The following HMCN1 variants were observed in gnomAD, a reference collection of about 807,000 sequenced individuals.
The protein encoded by HMCN1 is hemicentin-1.
Under a neutral mutation model 625.9 loss-of-function variants are expected in HMCN1, and 321 were observed. That is an observed-to-expected ratio of 0.51 (90% CI 0.47 to 0.56). The LOEUF is 0.56. Among genes scored for constraint, HMCN1 ranks in the 20% least tolerant of loss-of-function variants. HMCN1 has a pLI of 0.00. For synonymous variants in HMCN1, 2,425 were observed against 2,417.6 expected, an observed-to-expected ratio of 1.00 and a Z score of -0.09; for missense variants, 6,588 against 6,887.3, an observed-to-expected ratio of 0.96 and a Z score of 1.54.
At chr1:185,938,497 T>C (rs1183333592) in intron 11 of HMCN1, among the ~76,000 whole-genome samples, 1 of 152,204 alleles carries the variant, frequency 6.6e-6, no homozygotes, top group Admixed American at 6.5e-5. Context: ...GGAGGAATTA[T>C]TTATTATCTT....
At chr1:185,887,910 T>C (rs1383306912) in intron 4 of HMCN1, among the ~76,000 whole-genome samples, 1 of 143,622 alleles carries the variant, frequency 7.0e-6, no homozygotes, top group African/African-American at 2.6e-5. Flanking sequence ...TTGAACTAGT[T>C]TACAGTCCCA....
chr1:186,122,652 T>C (rs976870746), intron 80 of HMCN1, among the ~76,000 whole-genome samples: 5 of 152,214 alleles, frequency 3.3e-5, no homozygotes, highest in African/African-American at 9.6e-5. Context: ...AAAGAAAATA[T>C]TTTTGTTGAT....
chr1:185,931,882 A>G (rs545685087), intron 10 of HMCN1, among the ~76,000 whole-genome samples: 1 of 152,340 alleles, frequency 6.6e-6, no homozygotes, highest in African/African-American at 2.4e-5. Context: ...AAACTGAACT[A>G]TTAATTTCAC....
intron 1 of HMCN1, among the ~76,000 whole-genome samples, chr1:185,765,050 G>C (rs983433285): frequency 6.6e-6 from 1 of 152,144 alleles, no homozygotes; most frequent in African/African-American, 2.4e-5. Flanking sequence ...TGTAAGGACA[G>C]TGAATTAATG....
intron 69 of HMCN1, among the ~76,000 whole-genome samples, chr1:186,104,989 T>C (rs1353252549): frequency 2.0e-5 from 3 of 152,034 alleles, no homozygotes; most frequent in Non-Finnish European, 4.4e-5. Flanking sequence ...CAAATAAAGC[T>C]TGAAAGGGAA....
chr1:185,766,758 C>A (rs1327707691), intron 1 of HMCN1, among the ~76,000 whole-genome samples: 1 of 151,762 alleles, frequency 6.6e-6, no homozygotes, highest in Non-Finnish European at 1.5e-5. Flanking sequence ...CAAATAGTTC[C>A]ATGAATAACT....
chr1:185,895,805 G>C (rs1297442101), intron 4 of HMCN1, among the ~76,000 whole-genome samples: 1 of 152,110 alleles, frequency 6.6e-6, no homozygotes, highest in East Asian at 1.9e-4. Flanking sequence ...ATTGTCATTG[G>C]GTAAAGAATA....
chr1:186,110,977 C>CTTTTGTTTTTTTTTTTTTTTTT (rs1660848038), intron 71 of HMCN1, among the ~76,000 whole-genome samples: 1 of 61,648 alleles, frequency 1.6e-5, no homozygotes, highest in Non-Finnish European at 2.7e-5. Flanking sequence ...AGAGAAAATT[C>CTTTTGTTTTTTTTTTTTTTTTT]TTTTTTTTTT....
At chr1:185,892,967 C>T (rs1042927826) in intron 4 of HMCN1, among the ~76,000 whole-genome samples, 8 of 152,134 alleles carry the variant, frequency 5.3e-5, no homozygotes, top group Non-Finnish European at 7.3e-5. Flanking sequence ...AGCGAGACTC[C>T]GTGGGGTAGG....
At chr1:186,096,604 A>G (rs1046931327) in intron 68 of HMCN1, among the ~76,000 whole-genome samples, 1 of 152,132 alleles carries the variant, frequency 6.6e-6, no homozygotes, top group South Asian at 2.1e-4. Flanking sequence ...AAAGAAAACT[A>G]CAACCCAATA....
Position 186,144,255 on chromosome 1 carries a change from T to A in HMCN1, c.14007T>A (p.Leu4669=), listed in dbSNP as rs1650143480. Residue 4669 remains leucine (L), a synonymous_variant, in exon 90 of 107, where the codon CTT becomes CTA. Transcript: ENST00000271588. ...AAGGTACTCAGACAAGAGCAAGACT[T>A]TGTAATAACCCACCACCAGCGTTTG... is the stretch of plus-strand genomic sequence containing the variant. ...CGKGTQTRAR[L]CNNPPPAFGG... 1 of 1,613,926 alleles carries A rather than the reference T, an allele frequency of 6.2e-7. No homozygotes were observed. The highest frequency in any genetic ancestry group is 1.1e-5 in the South Asian group (1 of 91,056).
chr1:186,133,242 C>T (rs977075298), intron 86 of HMCN1, among the ~76,000 whole-genome samples: 1 of 152,136 alleles, frequency 6.6e-6, no homozygotes, highest in South Asian at 2.1e-4. Flanking sequence ...CAATGGAGTG[C>T]CCCTTCTTAC....
At chr1:186,017,932 ACTT>A (rs1444703808) in intron 33 of HMCN1, among the ~76,000 whole-genome samples, 2 of 152,142 alleles carry the variant, frequency 1.3e-5, no homozygotes, top group South Asian at 2.1e-4. Context: ...ACAATCCAAT[ACTT>A]CTCCCTTTTT....
rs1172375813 is a variant in HMCN1 at position 186,104,734 on chromosome 1, CA to C, written c.10770+1067del. On this transcript the variant is annotated intron_variant, in intron 69 of 106. Transcript: ENST00000271588. ...CCTTAGTCTGATTCAGAAGCCTAGCCAGTGCATCTCAGCACAGTGCATTTCT... is the reference window on the plus strand; with the variant it reads ...CCTTAGTCTGATTCAGAAGCCTAGCCGTGCATCTCAGCACAGTGCATTTCT... Among the ~76,000 whole-genome samples, 4 of 152,144 alleles carry C rather than the reference CA, an allele frequency of 2.6e-5. No individual in the cohort carries two copies. In the East Asian group the frequency reaches 7.7e-4, roughly 29 times the overall value.
At chr1:185,865,661 A>G (rs1663139718) in intron 3 of HMCN1, 80 bp from the exon 4 acceptor site, 14 of 1,232,624 alleles carry the variant, frequency 1.1e-5, no homozygotes, top group Non-Finnish European at 1.6e-5. Flanking sequence ...CAGTAATGTA[A>G]CACAATAGGT....
intron 41 of HMCN1, among the ~76,000 whole-genome samples, chr1:186,047,727 A>G (rs1656669905): frequency 6.6e-6 from 1 of 152,158 alleles, no homozygotes; most frequent in Non-Finnish European, 1.5e-5. Flanking sequence ...CTGAGCAAAG[A>G]TCTTTTAATT....
intron 4 of HMCN1, among the ~76,000 whole-genome samples, chr1:185,890,127 G>A (rs1363768598): frequency 6.6e-6 from 1 of 151,720 alleles, no homozygotes; most frequent in Non-Finnish European, 1.5e-5. Flanking sequence ...TCTGATGGTA[G>A]TTTGTATTTC....
intron 18 of HMCN1, 127 bp downstream of exon 18, chr1:185,982,516 C>A: frequency 1.2e-6 from 1 of 843,288 alleles, no homozygotes; most frequent in Non-Finnish European, 1.9e-6. Flanking sequence ...TCTAGGCTCA[C>A]CGCAACCTCT....
intron 2 of HMCN1, among the ~76,000 whole-genome samples, chr1:185,856,456 C>T (rs1274782349): frequency 6.6e-6 from 1 of 150,972 alleles, no homozygotes; most frequent in African/African-American, 2.4e-5. Flanking sequence ...CCACTGCACT[C>T]CAGCCTGGGC....
Sources: allele counts gnomAD v4.1 joint callset (sites outside exome capture counted in the v4.1 genomes callset), GRCh38; gene constraint gnomAD v4.1.1; transcripts MANE v1.5; gene names NCBI Gene and HGNC (gene_info 2026-07-23, HGNC 2026-07-21).